Variants in MPPE1 observed in about 807,000 individuals in gnomAD.
MPPE1 encodes metallo phosphoesterase.
Under a neutral mutation model 43.8 loss-of-function variants are expected in MPPE1, and 28 were observed. The observed-to-expected ratio is 0.64, with a 90% CI of 0.47 to 0.88. The LOEUF is 0.88. MPPE1 is among the 40% of genes least tolerant of loss of function. The probability of loss-of-function intolerance (pLI) is 0.00; values close to 1 mark genes in which losing one functional copy is unlikely to be tolerated. For synonymous variants in MPPE1, 159 were observed against 188.5 expected, an observed-to-expected ratio of 0.84 and a Z score of 1.28; for missense variants, 428 against 492.2, an observed-to-expected ratio of 0.87 and a Z score of 1.23.
Position 11,887,257 on chromosome 18 carries a change from T to C in MPPE1, c.570-232A>G, listed in dbSNP as rs181704412. Among the ~76,000 whole-genome samples, 32 of 152,314 alleles carry C rather than the reference T, an allele frequency of 2.1e-4. 1 individual carries two copies. Among genetic ancestry groups the C allele is most frequent in the African/African-American group, 6.5e-4 (27 of 41,556 alleles). ...GATCGAAGGGTTTTTGACCCTAAACTTGTGAGAAATCCCAGATTACAGAAG... is the reference window on the plus strand; with the variant it reads ...GATCGAAGGGTTTTTGACCCTAAACCTGTGAGAAATCCCAGATTACAGAAG... On this transcript the variant is annotated intron_variant, in intron 6 of 10. Transcript: ENST00000588072.
At position 11,883,088 on chromosome 18, in the gene MPPE1, T is replaced by A. The variant is rs1320364371; in HGVS notation, c.*1357A>T. ...GTCTTTAGTCTTTAATATTTTAAAG[T>A]TTACTCTATAAATCAGCATTTTGTA... On this transcript the variant is annotated 3_prime_UTR_variant, in exon 11 of 11. Coordinates refer to ENST00000588072, the MANE Select transcript of MPPE1 (RefSeq NM_023075.6). 1 of 152,234 alleles carries A rather than the reference T, an allele frequency of 6.6e-6. No individual in the cohort carries two copies. Among genetic ancestry groups the A allele is most frequent in the Non-Finnish European group, 1.5e-5 (1 of 68,056 alleles). 9.4% of individuals were successfully genotyped at this position (152,234 alleles called of 1,614,324 possible).
At chr18:11,899,257 A>T (rs2038902378) in intron 2 of MPPE1, among the ~76,000 whole-genome samples, 1 of 152,166 alleles carries the variant, frequency 6.6e-6, no homozygotes. Context: ...AGTCTCAGTG[A>T]ATGGTTTTGT....
At chr18:11,890,225 A>G (rs939764402) in intron 4 of MPPE1, among the ~76,000 whole-genome samples, 2 of 152,160 alleles carry the variant, frequency 1.3e-5, no homozygotes, top group Admixed American at 1.3e-4. Flanking sequence ...TACAGGCGTG[A>G]GCCACCACAC....
intron 4 of MPPE1, among the ~76,000 whole-genome samples, chr18:11,889,860 A>T (rs558765633): frequency 7.3e-6 from 1 of 136,744 alleles, no homozygotes; most frequent in African/African-American, 2.7e-5. Context: ...GTATGAGCCA[A>T]CGCACCCAGC....
Position 11,889,819 on chromosome 18 carries a change from G to A in MPPE1, c.391-329C>T, listed in dbSNP as rs139676770. On this transcript the variant is annotated intron_variant, in intron 4 of 10. Coordinates refer to ENST00000588072, the MANE Select transcript of MPPE1 (RefSeq NM_023075.6). ...GATCTCCTGACCTCGTGATCCGCCC[G>A]CCTCAGCCTCCCAAAGTGCTGGGAT... 3.4e-3 allele frequency among the ~76,000 whole-genome samples: 518 copies of A among 151,992 alleles called. 2 individuals are homozygous for A. Among genetic ancestry groups the A allele is most frequent in the East Asian group, 0.028 (146 of 5,154 alleles).
chr18:11,892,671 C>CAA (rs1223284738), intron 4 of MPPE1, among the ~76,000 whole-genome samples: 4 of 116,334 alleles, frequency 3.4e-5, no homozygotes, highest in African/African-American at 6.3e-5. Context: ...AACTCCATCT[C>CAA]AAAAAAAAAA....
intron 2 of MPPE1, among the ~76,000 whole-genome samples, chr18:11,903,672 T>G (rs539707288): frequency 3.3e-5 from 5 of 152,212 alleles, no homozygotes; most frequent in Middle Eastern, 3.4e-3. Context: ...CGGGCGTGGT[T>G]GCAGGTGCCT....
At chr18:11,887,146 A>G in intron 6 of MPPE1, 121 bp from the exon 7 acceptor site, 1 of 631,044 alleles carries the variant, frequency 1.6e-6, no homozygotes, top group Non-Finnish European at 2.7e-6. Flanking sequence ...AGCAGCTTTC[A>G]ATCCCACCCA....
rs144697332 is a variant in MPPE1, at chr18:11,886,989, A to G, written c.606T>C (p.Asp202=). Residue 202 remains aspartate, a synonymous_variant, in exon 7 of 11, where the codon GAT becomes GAC. Coordinates refer to ENST00000588072, the MANE Select transcript of MPPE1 (RefSeq NM_023075.6). This position sits in a 1 kb window ranked among gnomAD's most constrained non-coding sequence, Gnocchi z 4.1. ...CTGTTTCAGAGCAGATGCCACAGCC[A>G]TCCCCGTTCAGCGCCACGCTGTTGA... ...VMVNSVALNG[D]GCGICSETEA... 6.2e-7 allele frequency: 1 copy of G among 1,613,920 alleles called. No homozygotes were observed. The highest frequency in any genetic ancestry group is 8.5e-7 in the Non-Finnish European group (1 of 1,179,842).
chr18:11,906,187 C>G lies in MPPE1; in HGVS notation c.-93+16G>C, dbSNP rs1160500740. 4 of 152,114 alleles carry G rather than the reference C, an allele frequency of 2.6e-5. No individual in the cohort carries two copies. Among genetic ancestry groups the G allele is most frequent in the African/African-American group, 9.7e-5 (4 of 41,416 alleles). The allele number at this position is 152,114 out of a possible 1,614,324, so 9.4% of individuals were successfully genotyped here. On this transcript the variant is annotated intron_variant, in intron 2 of 10. Transcript: ENST00000588072. ...CAGACATATCCGTAAAATATGGAAG[C>G]TAGATTATATATTACCTATAATTTT...
rs1290365819 is a variant in MPPE1 at position 11,896,969 on chromosome 18, G to A, written c.281+15C>T. On this transcript the variant is annotated intron_variant, in intron 3 of 10. Coordinates refer to ENST00000588072, the MANE Select transcript of MPPE1 (RefSeq NM_023075.6). ...CCTACAGAATTTTAGAAAGATTCCT[G>A]ATTTTACCTCTTACCTTCGTAATTT... 6.2e-7 allele frequency: 1 copy of A among 1,602,520 alleles called. No homozygotes were observed. Among genetic ancestry groups the A allele is most frequent in the Non-Finnish European group, 8.5e-7 (1 of 1,172,854 alleles).
intron 4 of MPPE1, among the ~76,000 whole-genome samples, chr18:11,891,736 A>T (rs897423131): frequency 4.6e-5 from 7 of 152,312 alleles, no homozygotes; most frequent in Admixed American, 6.5e-5. Context: ...GTCCTAGGAA[A>T]TGCCAGTAAG....
intron 2 of MPPE1, among the ~76,000 whole-genome samples, chr18:11,904,955 G>GA (rs905235650): frequency 2.0e-5 from 3 of 150,076 alleles, no homozygotes; most frequent in East Asian, 3.9e-4. Context: ...AAAAAAAGAA[G>GA]AAAAAAAAAG....
In MPPE1 at chr18:11,886,934, G is replaced by C. The variant is rs775207846; in HGVS notation, c.661C>G (p.Leu221Val). The C allele has an allele frequency of 6.2e-7, 1 of 1,613,374 alleles. No individual in the cohort carries two copies. Among genetic ancestry groups the C allele is most frequent in the East Asian group, 2.2e-5 (1 of 44,866 alleles). ...EAELIEVSHRLNCSREARGSS... is the reference protein window; with the variant it reads ...EAELIEVSHRVNCSREARGSS... ...TCTCCTACCTCTCGGGAGCAGTTCA[G>C]TCTGTGAGAAACTTCAATGAGCTCT... The change falls in exon 7 of 11, where the codon CTG becomes GTG. Residue 221 changes from leucine (L) to valine (V), a missense_variant. Transcript: ENST00000588072. The surrounding 1 kb of genome is among the most constrained non-coding windows in gnomAD (Gnocchi z 4.1).
At position 11,883,883 on chromosome 18, in the gene MPPE1, G is replaced by A. The variant is rs2036806616; in HGVS notation, c.*562C>T. The A allele has an allele frequency of 6.6e-6, 1 of 152,186 alleles. No individual in the cohort carries two copies. The highest frequency in any genetic ancestry group is 2.4e-5 in the African/African-American group (1 of 41,374). The allele number at this position is 152,186 out of a possible 1,614,324, so 9.4% of individuals were successfully genotyped here. On this transcript the variant is annotated 3_prime_UTR_variant, in exon 11 of 11. Transcript: ENST00000588072. ...TTTTTGTATTTCTAGCGGAGACGAG[G>A]TTTCACCATGTTGGCCAGGCTGGTC...
intron 2 of MPPE1, among the ~76,000 whole-genome samples, chr18:11,904,241 G>A (rs765630192): frequency 5.9e-5 from 9 of 152,146 alleles, no homozygotes; most frequent in Non-Finnish European, 1.0e-4. Context: ...GGCTGGCACT[G>A]TTACATATTT....
rs769640562 is a variant in MPPE1, at chr18:11,893,459, G to A, written c.390+9C>T. 1 of 1,599,090 alleles carries A rather than the reference G, an allele frequency of 6.3e-7. No individual in the cohort carries two copies. The stretch of plus-strand genomic sequence containing the variant: ...GCAGGATGAGGGCACCTGGAACACA[G>A]AGTCCTACCTCAGGGGTGCTCCACT... On this transcript the variant is annotated intron_variant, in intron 4 of 10. Transcript: ENST00000588072.
chr18:11,885,320 T>G, intron 10 of MPPE1: 1 of 288,474 alleles, frequency 3.5e-6, no homozygotes, highest in Non-Finnish European at 6.7e-6. Flanking sequence ...CAAATGGGCA[T>G]GTTTAGAAAA....
At chr18:11,895,046 CTA>C (rs1178861462) in intron 3 of MPPE1, 2 of 152,258 alleles carry the variant, frequency 1.3e-5, no homozygotes, top group African/African-American at 2.4e-5. Context: ...CAAATCCAGC[CTA>C]TGTCATTTTT....
Sources: allele counts gnomAD v4.1 joint callset (sites outside exome capture counted in the v4.1 genomes callset), GRCh38; gene constraint gnomAD v4.1.1; non-coding constraint Gnocchi (gnomAD v3.1); transcripts MANE v1.5; gene names NCBI Gene and HGNC (gene_info 2026-07-23, HGNC 2026-07-21).